TNN: variants seen among roughly 807,000 people sequenced by gnomAD.
The protein encoded by TNN is tenascin N.
Under a neutral mutation model 134.4 loss-of-function variants are expected in TNN, and 122 were observed. The ratio of observed to expected loss-of-function variants is 0.91; its 90% CI spans 0.78 to 1.06. The LOEUF is 1.06. TNN is among the 50% of genes least tolerant of loss of function. The probability of loss-of-function intolerance (pLI) is 0.00; values close to 1 mark genes in which losing one functional copy is unlikely to be tolerated. For synonymous variants in TNN, 710 were observed against 670.3 expected, an observed-to-expected ratio of 1.06 and a Z score of -0.91; for missense variants, 1,739 against 1,699.4, an observed-to-expected ratio of 1.02 and a Z score of -0.41.
At position 175,106,215 on chromosome 1, in the gene TNN, A is replaced by T. The variant is rs146506316; in HGVS notation, c.2119+7620A>T. On this transcript the variant is annotated intron_variant, in intron 9 of 18. Coordinates refer to ENST00000239462, the MANE Select transcript of TNN (RefSeq NM_022093.2). ...CCTGTTAGTATTGGGACTTTACCCCATCCTATAAAGATGTTATGCCACAAA... is the reference window on the plus strand; with the variant it reads ...CCTGTTAGTATTGGGACTTTACCCCTTCCTATAAAGATGTTATGCCACAAA... 3.4e-3 allele frequency among the ~76,000 whole-genome samples: 502 copies of T among 145,770 alleles called. 126 individuals are homozygous for T. The East Asian group carries it at 0.091, about 26-fold the overall frequency.
At chr1:175,125,463 C>T (rs1044747072) in intron 12 of TNN, among the ~76,000 whole-genome samples, 2 of 149,098 alleles carry the variant, frequency 1.3e-5, no homozygotes, top group Non-Finnish European at 2.9e-5. Context: ...CCACGCGTTC[C>T]CTCTAGTGTT....
At position 175,077,595 on chromosome 1, in the gene TNN, C is replaced by G; in HGVS notation, c.177C>G (p.Asp59Glu). Residue 59 changes from aspartate (D) to glutamate (E), a missense_variant, in exon 2 of 19, where the codon GAC becomes GAG. Coordinates refer to ENST00000239462, the MANE Select transcript of TNN (RefSeq NM_022093.2). Reference sequence around the variant, plus strand: ...CCAAGTCTGCCTTGGTTCAGGTTGACGCTGACCCTCAGCCCCTCAGTGACG... The same window carrying G: ...CCAAGTCTGCCTTGGTTCAGGTTGAGGCTGACCCTCAGCCCCTCAGTGACG... ...DVPKSALVQV[D>E]ADPQPLSDDG... 6.2e-7 allele frequency: 1 copy of G among 1,614,226 alleles called. No homozygotes were observed. The highest frequency in any genetic ancestry group is 1.7e-5 in the Admixed American group (1 of 60,036).
intron 15 of TNN, among the ~76,000 whole-genome samples, chr1:175,132,230 G>A (rs913179824): frequency 6.6e-6 from 1 of 152,122 alleles, no homozygotes; most frequent in African/African-American, 2.4e-5. Flanking sequence ...TTGAAAATTC[G>A]ATTTGGGAAA....
At chr1:175,135,538 T>C (rs74126914) in intron 15 of TNN, among the ~76,000 whole-genome samples, 9,346 of 152,276 alleles carry the variant, frequency 0.061, 551 homozygotes, top group African/African-American at 0.15. Context: ...GTCTGGAATA[T>C]CTTGCCCTAG....
intron 2 of TNN, 57 bp downstream of exon 2, chr1:175,077,884 C>T (rs1207745814): frequency 1.3e-6 from 2 of 1,528,340 alleles, no homozygotes; most frequent in African/African-American, 2.7e-5. Context: ...CTATTATGTG[C>T]CAGGGTTTCC....
rs1202277245 is a variant in TNN, at chr1:175,077,737, G to T, written c.319G>T (p.Asp107Tyr). The part of the protein sequence containing the change: ...KDCELAGSVQ[D>Y]LLARVKKLEE... ...CTGCGAGTTGGCAGGCAGTGTCCAGGACCTCCTGGCCCGGGTGAAGAAGCT... is the reference window on the plus strand; with the variant it reads ...CTGCGAGTTGGCAGGCAGTGTCCAGTACCTCCTGGCCCGGGTGAAGAAGCT... The change falls in exon 2 of 19, where the codon GAC becomes TAC. Residue 107 changes from aspartate (D) to tyrosine (Y), a missense_variant. Asp to Tyr is a radical substitution (Grantham distance 160). Coordinates refer to ENST00000239462, the MANE Select transcript of TNN (RefSeq NM_022093.2). 6.2e-7 allele frequency: 1 copy of T among 1,614,234 alleles called. No homozygotes were observed. The highest frequency in any genetic ancestry group is 1.1e-5 in the South Asian group (1 of 91,086).
At chr1:175,103,300 C>A (rs1259412499) in intron 9 of TNN, among the ~76,000 whole-genome samples, 5 of 146,220 alleles carry the variant, frequency 3.4e-5, no homozygotes, top group Non-Finnish European at 7.6e-5. Flanking sequence ...CTCATACTAT[C>A]CCCGACTGGT....
At chr1:175,106,043 G>A (rs112148427) in intron 9 of TNN, among the ~76,000 whole-genome samples, 4,841 of 145,396 alleles carry the variant, frequency 0.033, 565 homozygotes, top group African/African-American at 0.11. Context: ...GAGGAAGGTC[G>A]GATTTAGTGG....
At chr1:175,112,598 C>CTTTTTTT (rs767531767) in intron 9 of TNN, among the ~76,000 whole-genome samples, 1,374 of 21,986 alleles carry the variant, frequency 0.062, 594 homozygotes, top group Non-Finnish European at 0.082. Flanking sequence ...GCCGGCCGAT[C>CTTTTTTT]TTTTTTTTTT....
intron 15 of TNN, 66 bp downstream of exon 15, chr1:175,128,812 A>G: frequency 1.3e-6 from 2 of 1,520,512 alleles, no homozygotes; most frequent in South Asian, 1.3e-5. Flanking sequence ...GATGCCGGTC[A>G]TGGATGCTCC....
Position 175,080,949 on chromosome 1 carries a change from G to A in TNN, c.1048+523G>A, listed in dbSNP as rs186464513. On this transcript the variant is annotated intron_variant, in intron 4 of 18. Transcript: ENST00000239462. ...CAATAAGGATACTCTCCTGCCTGAA[G>A]GGGCAAGGGATAGATGTTGGTACTT... 2.6e-5 allele frequency among the ~76,000 whole-genome samples: 4 copies of A among 152,342 alleles called. No homozygotes were observed. The East Asian group carries it at 5.8e-4, about 22-fold the overall frequency.
At chr1:175,087,521 A>G (rs1674345506) in intron 6 of TNN, among the ~76,000 whole-genome samples, 2 of 152,096 alleles carry the variant, frequency 1.3e-5, no homozygotes, top group Non-Finnish European at 2.9e-5. Context: ...TTTTATTTTC[A>G]TTTCAAACTA....
intron 1 of TNN, among the ~76,000 whole-genome samples, chr1:175,072,268 A>G (rs1444947726): frequency 2.0e-5 from 3 of 151,532 alleles, no homozygotes; most frequent in Admixed American, 6.6e-5. Flanking sequence ...ACCACCCAAC[A>G]CCCCTTCTGC....
At chr1:175,121,969 G>A (rs1675388133) in intron 11 of TNN, among the ~76,000 whole-genome samples, 1 of 152,226 alleles carries the variant, frequency 6.6e-6, no homozygotes, top group African/African-American at 2.4e-5. Context: ...CCGTGGTGGA[G>A]ATGCAGTTGT....
chr1:175,132,876 G>A (rs1015281926), intron 15 of TNN, among the ~76,000 whole-genome samples: 3 of 152,216 alleles, frequency 2.0e-5, no homozygotes, highest in African/African-American at 7.2e-5. Context: ...CATTGCTGCA[G>A]GGTAACCTAC....
At chr1:175,079,135 G>C (rs1243849549) in intron 2 of TNN, among the ~76,000 whole-genome samples, 198 bp from the exon 3 acceptor site, 1 of 152,194 alleles carries the variant, frequency 6.6e-6, no homozygotes, top group Non-Finnish European at 1.5e-5. Flanking sequence ...GCCTGGCCCA[G>C]GCTGGAAAGG....
At chr1:175,102,891 A>T (rs1251411255) in intron 9 of TNN, among the ~76,000 whole-genome samples, 7 of 145,978 alleles carry the variant, frequency 4.8e-5, no homozygotes, top group African/African-American at 1.7e-4. Context: ...AGGACACCCC[A>T]ACTGCTGTTG....
intron 4 of TNN, among the ~76,000 whole-genome samples, chr1:175,081,116 C>T (rs1420362519): frequency 1.3e-5 from 2 of 152,118 alleles, no homozygotes; most frequent in Non-Finnish European, 2.9e-5. Flanking sequence ...ACCTGGAAGC[C>T]AAAGGGTCAG....
rs750543781 is a variant in TNN, at chr1:175,116,995, G to A, written c.2176G>A (p.Val726Ile). Residue 726 changes from valine (V) to isoleucine (I), a missense_variant, in exon 10 of 19, where the codon GTC becomes ATC. Coordinates refer to ENST00000239462, the MANE Select transcript of TNN (RefSeq NM_022093.2). ...CCGGGTGACAGAGAATATGGCCACT[G>A]TCTCCTGGGACCCGGTGCGGGCCAC... ...TDRVTENMAT[V>I]SWDPVRATID... 6.2e-7 allele frequency: 1 copy of A among 1,614,196 alleles called. No homozygotes were observed. The highest frequency in any genetic ancestry group is 1.1e-5 in the South Asian group (1 of 91,088).
Sources: allele counts gnomAD v4.1 joint callset (sites outside exome capture counted in the v4.1 genomes callset), GRCh38; gene constraint gnomAD v4.1.1; transcripts MANE v1.5; gene names NCBI Gene and HGNC (gene_info 2026-07-23, HGNC 2026-07-21).